CTNNA2: variants seen among roughly 807,000 people sequenced by gnomAD.
CTNNA2 encodes the protein catenin alpha-2.
In CTNNA2, 42 loss-of-function variants were observed where a neutral mutation model predicts 101.0. That is an observed-to-expected ratio of 0.42 (90% CI 0.32 to 0.54). The LOEUF (loss-of-function observed/expected upper bound fraction) is 0.54, where lower values mean the gene tolerates loss of function less well. Ranked by LOEUF, CTNNA2 falls within the 20% of genes least tolerant of loss-of-function variation. The pLI is 0.14. For synonymous variants in CTNNA2, 450 were observed against 456.4 expected (o/e 0.99, Z 0.18); for missense variants, 871 against 1,223.1 (o/e 0.71, Z 4.29).
chr2:80,170,195 CTCTCTCTCTCTCTA>C (rs1171247822), intron 7 of CTNNA2, among the ~76,000 whole-genome samples: 1 of 150,592 alleles, frequency 6.6e-6, no homozygotes, highest in Non-Finnish European at 1.5e-5. Context: ...GCTTGTCTCT[CTCTCTCTCTCTCTA>C]TCTCTCTCTC....
chr2:80,647,466 T>A, intron 18 of CTNNA2, 119 bp from the exon 19 acceptor site: 1 of 888,666 alleles, frequency 1.1e-6, no homozygotes, highest in Non-Finnish European at 1.7e-6. Context: ...TTGCTCCTTT[T>A]CAGCAATACT....
At chr2:79,844,317 G>T (rs1680042405) in intron 3 of CTNNA2, among the ~76,000 whole-genome samples, 1 of 152,164 alleles carries the variant, frequency 6.6e-6, no homozygotes, top group Non-Finnish European at 1.5e-5. Context: ...CTTATTTTCA[G>T]TTTAACAATA....
intron 7 of CTNNA2, among the ~76,000 whole-genome samples, chr2:79,945,721 G>A (rs751854157): frequency 6.6e-6 from 1 of 152,212 alleles, no homozygotes. Flanking sequence ...AGTAAAATAA[G>A]TCACAAGCCA....
At chr2:79,284,778 A>G (rs960093349) in intron 2 of CTNNA2, among the ~76,000 whole-genome samples, 2 of 150,158 alleles carry the variant, frequency 1.3e-5, no homozygotes, top group African/African-American at 4.9e-5. Context: ...GCCTCATCAA[A>G]TGAGTTAGGG....
chr2:80,125,657 AG>A lies in CTNNA2; in HGVS notation c.1056+215861del, dbSNP rs543929282. Reference sequence around the variant, plus strand: ...TGGTTCTCATCAGACTCCTTCATGAAGCTGGCTTTAATCAATTGGAGTTGGC... The same window carrying A: ...TGGTTCTCATCAGACTCCTTCATGAACTGGCTTTAATCAATTGGAGTTGGC... On this transcript the variant is annotated intron_variant, in intron 7 of 18. Coordinates refer to ENST00000402739, the MANE Select transcript of CTNNA2 (RefSeq NM_001282597.3). Among the ~76,000 whole-genome samples the A allele has an allele frequency of 2.3e-3, 354 of 152,282 alleles. 3 individuals carry two copies. Among genetic ancestry groups the A allele is most frequent in the African/African-American group, 8.1e-3 (338 of 41,560 alleles).
At chr2:80,305,467 G>A in intron 7 of CTNNA2, 1 of 772,768 alleles carries the variant, frequency 1.3e-6, no homozygotes, top group Non-Finnish European at 1.6e-6. Context: ...TGCTGTTCAT[G>A]GTGATTACTG....
At chr2:79,466,792 T>A (rs1670941965) in intron 4 of CTNNA2, among the ~76,000 whole-genome samples, 1 of 152,108 alleles carries the variant, frequency 6.6e-6, no homozygotes, top group South Asian at 2.1e-4. Context: ...TCCAGCAAGC[T>A]CCAACAGAAC....
At chr2:80,208,594 A>C (rs1707680160) in intron 7 of CTNNA2, among the ~76,000 whole-genome samples, 1 of 152,154 alleles carries the variant, frequency 6.6e-6, no homozygotes, top group African/African-American at 2.4e-5. Context: ...GTGATCAGGC[A>C]GGCAGAAATT....
intron 1 of CTNNA2, among the ~76,000 whole-genome samples, chr2:79,627,446 G>C (rs1267513466): frequency 6.6e-6 from 1 of 152,174 alleles, no homozygotes; most frequent in Non-Finnish European, 1.5e-5. Flanking sequence ...AGTGCTGCCT[G>C]CTGCCTCCCC....
intron 7 of CTNNA2, among the ~76,000 whole-genome samples, chr2:80,362,008 C>G (rs750434904): frequency 1.6e-4 from 25 of 152,162 alleles, no homozygotes; most frequent in Non-Finnish European, 2.4e-4. Flanking sequence ...TTGTCACACA[C>G]AGTTCAACCT....
chr2:79,239,143 G>A (rs1674592294), intron 2 of CTNNA2, among the ~76,000 whole-genome samples: 1 of 151,972 alleles, frequency 6.6e-6, no homozygotes, highest in Non-Finnish European at 1.5e-5. Flanking sequence ...ATGACCCAGA[G>A]CTCATATAGC....
intron 11 of CTNNA2, among the ~76,000 whole-genome samples, chr2:80,555,189 A>G (rs1692923893): frequency 6.6e-6 from 1 of 152,230 alleles, no homozygotes; most frequent in Non-Finnish European, 1.5e-5. Flanking sequence ...TTTCGTAATG[A>G]AAACATGATT....
intron 18 of CTNNA2, among the ~76,000 whole-genome samples, chr2:80,620,436 G>A (rs771596410): frequency 6.6e-6 from 1 of 151,734 alleles, no homozygotes; most frequent in African/African-American, 2.4e-5. Flanking sequence ...AGCTGATACT[G>A]CCCTCTTTAG....
intron 13 of CTNNA2, among the ~76,000 whole-genome samples, chr2:80,575,726 G>A (rs767264025): frequency 6.6e-6 from 1 of 151,870 alleles, no homozygotes; most frequent in South Asian, 2.1e-4. Flanking sequence ...CACCTAGGAG[G>A]ATGAGAAAGT....
chr2:79,677,774 A>C (rs539736041), intron 2 of CTNNA2, among the ~76,000 whole-genome samples: 1 of 152,352 alleles, frequency 6.6e-6, no homozygotes, highest in African/African-American at 2.4e-5. Context: ...AGGAAATGTT[A>C]AAGAATAAAG....
chr2:79,896,227 G>A (rs557347677), intron 6 of CTNNA2, among the ~76,000 whole-genome samples: 110 of 151,850 alleles, frequency 7.2e-4, no homozygotes, highest in Non-Finnish European at 1.3e-3. Flanking sequence ...AAATTGCAGT[G>A]AGCCAAAATC....
At chr2:79,193,493 T>C (rs960676477) in intron 1 of CTNNA2, among the ~76,000 whole-genome samples, 2 of 152,198 alleles carry the variant, frequency 1.3e-5, no homozygotes, top group African/African-American at 4.8e-5. Flanking sequence ...AAGTATGTAG[T>C]AGCCTGTACC....
At chr2:80,024,313 C>T (rs1269911900) in intron 7 of CTNNA2, among the ~76,000 whole-genome samples, 2 of 152,152 alleles carry the variant, frequency 1.3e-5, no homozygotes, top group African/African-American at 2.4e-5. Flanking sequence ...TGCTTGGATA[C>T]AGGACTGCAT....
At chr2:79,720,778 C>T (rs919456986) in intron 2 of CTNNA2, among the ~76,000 whole-genome samples, 12 of 152,060 alleles carry the variant, frequency 7.9e-5, no homozygotes, top group African/African-American at 2.9e-4. Flanking sequence ...AGCTTTTTCA[C>T]AGAGTCTTTA....
Sources: gnomAD v4.1 joint callset for allele counts (sites outside exome capture counted in the v4.1 genomes callset) on GRCh38, gnomAD v4.1.1 for gene constraint, MANE v1.5 for transcripts, NCBI Gene and HGNC (gene_info 2026-07-23, HGNC 2026-07-21) for gene names.